Variants in OPCML observed in about 807,000 individuals in gnomAD.
The protein encoded by OPCML is opioid-binding protein/cell adhesion molecule.
OPCML carries 13 observed loss-of-function variants against 37.8 expected under a neutral mutation model. The ratio of observed to expected loss-of-function variants is 0.34; its 90% CI spans 0.22 to 0.55. The LOEUF is 0.55. OPCML is among the 20% of genes least tolerant of loss of function. The pLI, the probability that OPCML is intolerant of heterozygous loss-of-function variation, is 0.91. For missense variants in OPCML, 341 were observed against 435.6 expected (o/e 0.78, Z 1.93); for synonymous variants, 176 against 168.8 (o/e 1.04, Z -0.33).
intron 2 of OPCML, among the ~76,000 whole-genome samples, chr11:132,709,480 C>T (rs1266529217): frequency 6.6e-6 from 1 of 152,154 alleles, no homozygotes; most frequent in Non-Finnish European, 1.5e-5. Context: ...GGACTCCATC[C>T]ACCATCTCAC....
intron 2 of OPCML, among the ~76,000 whole-genome samples, chr11:132,738,812 C>T (rs905557315): frequency 1.3e-5 from 2 of 152,126 alleles, no homozygotes; most frequent in Non-Finnish European, 2.9e-5. Context: ...CCAAACTAAC[C>T]AAAGACTGTA....
intron 1 of OPCML, among the ~76,000 whole-genome samples, chr11:133,501,017 A>G (rs1264380086): frequency 1.3e-5 from 2 of 152,022 alleles, no homozygotes; most frequent in African/African-American, 4.8e-5. Context: ...CCTAGCAGAA[A>G]AGAAAAAACA....
rs978078231 is a variant in OPCML, at chr11:132,539,435, A to C, written c.380-10249T>G. On this transcript the variant is annotated intron_variant, in intron 3 of 7. Transcript: ENST00000524381. ...CGCAGGTAGAGCCCAGAACTTACAG[A>C]TTCTTTGAATAAACCCTGAGATTTT... Among the ~76,000 whole-genome samples, 5 of 152,218 alleles carry C rather than the reference A, an allele frequency of 3.3e-5. No homozygotes were observed. The East Asian group carries it at 9.6e-4, about 29-fold the overall frequency.
intron 2 of OPCML, among the ~76,000 whole-genome samples, chr11:132,697,978 A>T (rs1173764699): frequency 7.9e-4 from 2 of 2,542 alleles, no homozygotes; most frequent in Non-Finnish European, 1.8e-3. Flanking sequence ...TTTATTTTCT[A>T]TTTATTTATT....
intron 3 of OPCML, among the ~76,000 whole-genome samples, chr11:132,628,825 T>C (rs1228948707): frequency 6.6e-6 from 1 of 152,172 alleles, no homozygotes; most frequent in Non-Finnish European, 1.5e-5. Context: ...CTGCTGGTTT[T>C]ATAAGCAGCT....
intron 1 of OPCML, among the ~76,000 whole-genome samples, chr11:133,159,997 C>A (rs1421386669): frequency 6.6e-6 from 1 of 152,214 alleles, no homozygotes; most frequent in Non-Finnish European, 1.5e-5. Flanking sequence ...CTCATGTGGG[C>A]TGAGTGCAGG....
chr11:132,615,415 A>G (rs1410223419), intron 3 of OPCML, among the ~76,000 whole-genome samples: 2 of 152,352 alleles, frequency 1.3e-5, no homozygotes, highest in Admixed American at 1.3e-4. Context: ...TCCTCAAGGC[A>G]TCAAGGTGAG....
intron 1 of OPCML, among the ~76,000 whole-genome samples, chr11:133,193,383 G>T (rs1410630726): frequency 6.6e-6 from 1 of 152,168 alleles, no homozygotes; most frequent in African/African-American, 2.4e-5. Flanking sequence ...ATCTTAGAAG[G>T]TATCAAGCCA....
intron 4 of OPCML, among the ~76,000 whole-genome samples, chr11:132,480,871 G>A (rs1006278055): frequency 2.6e-5 from 4 of 151,634 alleles, no homozygotes; most frequent in African/African-American, 7.3e-5. Context: ...TGAATGAAGC[G>A]CTAAACATGG....
chr11:132,884,392 A>C (rs1161269070), intron 2 of OPCML, among the ~76,000 whole-genome samples: 1 of 152,196 alleles, frequency 6.6e-6, no homozygotes, highest in Non-Finnish European at 1.5e-5. Flanking sequence ...TGGTGGATAG[A>C]AGTGTGTTGG....
intron 3 of OPCML, among the ~76,000 whole-genome samples, chr11:132,586,586 G>A (rs550777277): frequency 6.6e-6 from 1 of 152,272 alleles, no homozygotes; most frequent in South Asian, 2.1e-4. Flanking sequence ...GTGCATTTAT[G>A]GTTTGTCCCA....
At chr11:132,427,236 G>A (rs918645041) in intron 7 of OPCML, among the ~76,000 whole-genome samples, 14 of 152,160 alleles carry the variant, frequency 9.2e-5, no homozygotes, top group Admixed American at 3.3e-4. Context: ...AAGAAGATAC[G>A]GTTTTGTTCT....
At chr11:133,369,298 T>C (rs749034395) in intron 1 of OPCML, among the ~76,000 whole-genome samples, 71 of 152,216 alleles carry the variant, frequency 4.7e-4, no homozygotes, top group Non-Finnish European at 8.5e-4. Context: ...ATGAGAAAAG[T>C]ATTACTAAAC....
At chr11:132,475,736 A>C (rs1380346874) in intron 4 of OPCML, among the ~76,000 whole-genome samples, 8 of 152,194 alleles carry the variant, frequency 5.3e-5, no homozygotes, top group Non-Finnish European at 1.2e-4. Flanking sequence ...ATTATGTAAT[A>C]TTTTCTTATG....
At chr11:132,671,291 T>A (rs1183543616) in intron 2 of OPCML, among the ~76,000 whole-genome samples, 1 of 152,114 alleles carries the variant, frequency 6.6e-6, no homozygotes, top group Non-Finnish European at 1.5e-5. Flanking sequence ...GCTTATTTTA[T>A]ACAGATTATG....
At position 132,774,869 on chromosome 11, in the gene OPCML, A is replaced by T. The variant is rs1591592533; in HGVS notation, c.147-117550T>A. 3.3e-5 allele frequency among the ~76,000 whole-genome samples: 5 copies of T among 152,146 alleles called. 1 individual carries two copies. Among genetic ancestry groups the T allele is most frequent in the Admixed American group, 3.3e-4 (5 of 15,288 alleles). On this transcript the variant is annotated intron_variant, in intron 2 of 7. Coordinates refer to ENST00000524381, the MANE Select transcript of OPCML (RefSeq NM_001012393.5). ...ATACAAATAGCATCACACTGACCAC[A>T]CTGTATTTTTATTTGTTGTGTATAT...
intron 4 of OPCML, among the ~76,000 whole-genome samples, chr11:132,452,689 CAACA>C (rs1194554735): frequency 1.3e-5 from 2 of 151,940 alleles, no homozygotes; most frequent in South Asian, 4.2e-4. Context: ...TTCCTTCACT[CAACA>C]AACATTTTTG....
rs777716292 is a variant in OPCML at position 133,454,444 on chromosome 11, G to A, written c.61+77820C>T. 7.9e-5 allele frequency among the ~76,000 whole-genome samples: 12 copies of A among 152,074 alleles called. No homozygotes were observed. In the South Asian group the frequency reaches 8.3e-4, roughly 11 times the overall value. ...GGCATGATCTATAGTTTTTCCCCCC[G>A]TCCGAAGTGCTTAGAATATTGGAAA... is the stretch of plus-strand genomic sequence containing the variant. On this transcript the variant is annotated intron_variant, in intron 1 of 7. Transcript: ENST00000524381.
intron 1 of OPCML, among the ~76,000 whole-genome samples, chr11:133,285,640 C>G (rs1406345094): frequency 6.6e-6 from 1 of 152,218 alleles, no homozygotes; most frequent in African/African-American, 2.4e-5. Flanking sequence ...TGACCCATTT[C>G]TGACAATGCT....
Sources: gnomAD v4.1 joint callset for allele counts (sites outside exome capture counted in the v4.1 genomes callset) on GRCh38, gnomAD v4.1.1 for gene constraint, MANE v1.5 for transcripts, NCBI Gene and HGNC (gene_info 2026-07-23, HGNC 2026-07-21) for gene names.